ALPK2: variants seen among roughly 807,000 people sequenced by gnomAD.
The protein encoded by ALPK2 is alpha-protein kinase 2.
A neutral mutation model predicts 163.1 loss-of-function variants in ALPK2; 127 were observed. That is an observed-to-expected ratio of 0.78 (90% CI 0.67 to 0.90). The LOEUF (loss-of-function observed/expected upper bound fraction) is 0.90. Ranked by LOEUF, ALPK2 falls within the 40% of genes least tolerant of loss-of-function variation. The pLI, the probability that ALPK2 is intolerant of heterozygous loss-of-function variation, is 0.00. For synonymous variants in ALPK2, 953 were observed against 959.1 expected, an observed-to-expected ratio of 0.99 and a Z score of 0.12; for missense variants, 2,360 against 2,589.6, an observed-to-expected ratio of 0.91 and a Z score of 1.92.
At chr18:58,559,617 G>A (rs1245644576) in intron 4 of ALPK2, among the ~76,000 whole-genome samples, 1 of 152,176 alleles carries the variant, frequency 6.6e-6, no homozygotes, top group Non-Finnish European at 1.5e-5. Context: ...TAGTTGATTG[G>A]CTATGGAGTC....
chr18:58,592,289 G>A (rs965599387), intron 3 of ALPK2, among the ~76,000 whole-genome samples: 14 of 152,328 alleles, frequency 9.2e-5, no homozygotes, highest in African/African-American at 3.1e-4. Flanking sequence ...TAAACAGGGA[G>A]CAGTACACAA....
chr18:58,607,501 ACCC>A, intron 2 of ALPK2, 62 bp from the exon 3 acceptor site: 21 of 1,086,302 alleles, frequency 1.9e-5, no homozygotes, highest in Non-Finnish European at 2.4e-5. Flanking sequence ...AAAAAAAAAA[ACCC>A]ATAAAGCTAT....
intron 6 of ALPK2, among the ~76,000 whole-genome samples, chr18:58,526,817 C>T (rs140473480): frequency 2.4e-4 from 37 of 152,252 alleles, no homozygotes; most frequent in African/African-American, 8.2e-4. Context: ...CCAAAACTTG[C>T]GGACAAAGGA....
rs747718338 is a variant in ALPK2 at position 58,535,462 on chromosome 18, G to A, written c.4725C>T (p.Pro1575=). 1 of 1,614,038 alleles carries A rather than the reference G, an allele frequency of 6.2e-7. No individual in the cohort carries two copies. The highest frequency in any genetic ancestry group is 1.3e-5 in the African/African-American group (1 of 74,904). Residue 1575 remains proline (P), a synonymous_variant, in exon 5 of 13, where the codon CCC becomes CCT. Coordinates refer to ENST00000361673, the MANE Select transcript of ALPK2 (RefSeq NM_052947.4). ...CAGGAAACACATACTGACGCTTTCT[G>A]GGCTCAACTATGTCATTTTCAGGGA... ...HDVPENDIVE[P]RKRQYVFPVS...
At chr18:58,532,171 A>T (rs1036837936) in intron 5 of ALPK2, among the ~76,000 whole-genome samples, 24 of 152,158 alleles carry the variant, frequency 1.6e-4, no homozygotes, top group African/African-American at 5.8e-4. Flanking sequence ...ATGGATGAAT[A>T]TGTTGGTCAA....
chr18:58,594,296 A>G (rs1387656945), intron 3 of ALPK2, among the ~76,000 whole-genome samples: 2 of 152,196 alleles, frequency 1.3e-5, no homozygotes, highest in Non-Finnish European at 2.9e-5. Context: ...AAGGAAAAAA[A>G]TCCTATGGCA....
At chr18:58,608,819 G>C (rs556477120) in intron 2 of ALPK2, among the ~76,000 whole-genome samples, 3 of 152,174 alleles carry the variant, frequency 2.0e-5, no homozygotes, top group African/African-American at 7.2e-5. Context: ...GGGTGTGGTG[G>C]TGTACACCTG....
At chr18:58,531,211 A>T (rs1293509433) in intron 5 of ALPK2, among the ~76,000 whole-genome samples, 2 of 152,062 alleles carry the variant, frequency 1.3e-5, no homozygotes, top group Non-Finnish European at 2.9e-5. Flanking sequence ...AATAATAATA[A>T]TTTTTTAAAA....
intron 4 of ALPK2, among the ~76,000 whole-genome samples, chr18:58,563,501 G>A (rs756039565): frequency 6.6e-6 from 1 of 152,126 alleles, no homozygotes; most frequent in Non-Finnish European, 1.5e-5. Context: ...TTGGTGTGAG[G>A]TATAAGGGCA....
intron 5 of ALPK2, among the ~76,000 whole-genome samples, chr18:58,531,649 A>G (rs953316681): frequency 6.0e-4 from 2 of 3,352 alleles, no homozygotes; most frequent in South Asian, 0.1. Flanking sequence ...TGATAAGTTG[A>G]AAAAAAAAAA....
intron 8 of ALPK2, among the ~76,000 whole-genome samples, chr18:58,523,269 A>G (rs2051565151): frequency 6.6e-6 from 1 of 151,796 alleles, no homozygotes; most frequent in Non-Finnish European, 1.5e-5. Flanking sequence ...GTTGCATAGT[A>G]TTCCATGGTG....
Position 58,623,242 on chromosome 18 carries a change from AT to A in ALPK2, c.-21+5521del, listed in dbSNP as rs149874782. Among the ~76,000 whole-genome samples the A allele has an allele frequency of 5.5e-3, 839 of 151,286 alleles. 4 individuals are homozygous for A. Among genetic ancestry groups the A allele is most frequent in the African/African-American group, 0.019 (801 of 41,200 alleles). ...CCTCCACTTGCCTTATTTCCAGAAG[AT>A]TTTTTTTTAATAGAGATGGGGTCCC... On this transcript the variant is annotated intron_variant, in intron 1 of 12. Coordinates refer to ENST00000361673, the MANE Select transcript of ALPK2 (RefSeq NM_052947.4).
chr18:58,584,189 A>G (rs1170123653), intron 3 of ALPK2, among the ~76,000 whole-genome samples: 1 of 152,262 alleles, frequency 6.6e-6, no homozygotes, highest in Non-Finnish European at 1.5e-5. Flanking sequence ...AGTACAGTCA[A>G]TGAAGAGAAA....
At chr18:58,560,090 T>C (rs2051818209) in intron 4 of ALPK2, among the ~76,000 whole-genome samples, 1 of 152,182 alleles carries the variant, frequency 6.6e-6, no homozygotes. Context: ...TCATCTTGAA[T>C]TGTAACTCCC....
At chr18:58,491,621 A>G (rs1025647402) in intron 12 of ALPK2, among the ~76,000 whole-genome samples, 1 of 152,144 alleles carries the variant, frequency 6.6e-6, no homozygotes, top group African/African-American at 2.4e-5. Context: ...CCACCTGACC[A>G]ATCAGCACTA....
Position 58,579,231 on chromosome 18 carries a change from T to G in ALPK2, c.1545A>C (p.Ala515=). ...NSGMSQCWET[A]ADKRVGGKDL... Reference sequence around the variant, plus strand: ...CCTTTCCCCCCACTCTCTTGTCAGCTGCCGTCTCCCAACACTGGCTCATCC... The same window carrying G: ...CCTTTCCCCCCACTCTCTTGTCAGCGGCCGTCTCCCAACACTGGCTCATCC... Residue 515 remains alanine, a synonymous_variant, in exon 4 of 13, where the codon GCA becomes GCC. Coordinates refer to ENST00000361673, the MANE Select transcript of ALPK2 (RefSeq NM_052947.4). The G allele has an allele frequency of 6.2e-7, 1 of 1,614,136 alleles. No homozygotes were observed. The highest frequency in any genetic ancestry group is 8.5e-7 in the Non-Finnish European group (1 of 1,179,998).
chr18:58,489,322 A>G (rs2051359188), intron 12 of ALPK2, among the ~76,000 whole-genome samples: 1 of 152,210 alleles, frequency 6.6e-6, no homozygotes, highest in Non-Finnish European at 1.5e-5. Flanking sequence ...ATACGTTCTC[A>G]TGAGCAACAG....
At chr18:58,523,698 C>A in intron 8 of ALPK2, 108 bp downstream of exon 8, 3 of 1,391,734 alleles carry the variant, frequency 2.2e-6, no homozygotes, top group Middle Eastern at 1.8e-4. Context: ...CTCTCCTTCT[C>A]GGTTGGAAGA....
At chr18:58,525,444 G>A (rs2051579322) in intron 6 of ALPK2, among the ~76,000 whole-genome samples, 1 of 152,156 alleles carries the variant, frequency 6.6e-6, no homozygotes, top group South Asian at 2.1e-4. Context: ...GTCATTGAAA[G>A]GGGAAGGCAA....
Sources: allele counts gnomAD v4.1 joint callset (sites outside exome capture counted in the v4.1 genomes callset), GRCh38; gene constraint gnomAD v4.1.1; transcripts MANE v1.5; gene names NCBI Gene and HGNC (gene_info 2026-07-23, HGNC 2026-07-21).